The following TNIK variants were observed in gnomAD, a reference collection of about 807,000 sequenced individuals.
TNIK encodes TRAF2 and NCK interacting kinase, also known as TRAF2 and NCK-interacting protein kinase.
TNIK carries 49 observed loss-of-function variants against 191.3 expected under a neutral mutation model. The observed-to-expected ratio is 0.26, with a 90% CI of 0.20 to 0.32. The LOEUF (loss-of-function observed/expected upper bound fraction) is 0.32. Ranked by LOEUF, TNIK falls within the 10% of genes least tolerant of loss-of-function variation. TNIK has a pLI of 1.00. For missense variants in TNIK, 1,155 were observed against 1,702.3 expected, an observed-to-expected ratio of 0.68 and a Z score of 5.66; for synonymous variants, 594 against 600.9, an observed-to-expected ratio of 0.99 and a Z score of 0.17.
At chr3:171,079,721 A>G (rs1720427202) in intron 27 of TNIK, 69 bp from the exon 28 acceptor site, 1 of 1,485,060 alleles carries the variant, frequency 6.7e-7, no homozygotes, top group Non-Finnish European at 9.0e-7. Flanking sequence ...CCCCACCTCC[A>G]TTTATTTCTA....
chr3:171,113,479 G>A lies in TNIK; in HGVS notation c.2121-2602C>T, dbSNP rs145387135. Among the ~76,000 whole-genome samples, 218 of 152,078 alleles carry A rather than the reference G, an allele frequency of 1.4e-3. 2 individuals carry two copies. The South Asian group carries it at 0.022, about 15-fold the overall frequency. On this transcript the variant is annotated intron_variant, in intron 18 of 32. Transcript: ENST00000436636. ...AAATTAGCTGGGCGTGGTGGCAGGT[G>A]CCTGTATTCTCAGCTAGTTGAGAGG...
chr3:171,311,807 C>G (rs999849993), intron 2 of TNIK, among the ~76,000 whole-genome samples: 2 of 151,950 alleles, frequency 1.3e-5, no homozygotes, highest in Non-Finnish European at 2.9e-5. Context: ...AGAACAAAAC[C>G]CATCATTAAT....
At position 171,128,719 on chromosome 3, in the gene TNIK, G is replaced by C. The variant is rs373476554; in HGVS notation, c.1768C>G (p.Pro590Ala). 4.3e-6 allele frequency: 7 copies of C among 1,611,496 alleles called. 1 individual carries two copies. The East Asian group carries it at 6.7e-5, about 15-fold the overall frequency. ...RTPPMLRPVD[P>A]QIPHLVAVKS... is the part of the protein sequence containing the mutation. ...GGAATGGAGGCAGACTGTACCTGGGGATCGACTGGTCTGAGCATGGGGGGT... is the reference window on the plus strand; with the variant it reads ...GGAATGGAGGCAGACTGTACCTGGGCATCGACTGGTCTGAGCATGGGGGGT... The change falls in exon 16 of 33, where the codon CCC (proline) becomes GCC (alanine). Residue 590 changes from proline (P) to alanine (A), a missense_variant. By Grantham distance (27) the Pro-to-Ala change is conservative. This residue lies in a region of TNIK where 735 missense variants were observed against 848.0 expected (regional missense o/e 0.87). Coordinates refer to ENST00000436636, the MANE Select transcript of TNIK (RefSeq NM_015028.4).
At chr3:171,280,780 A>G (rs1374662154) in intron 2 of TNIK, among the ~76,000 whole-genome samples, 1 of 152,204 alleles carries the variant, frequency 6.6e-6, no homozygotes, top group African/African-American at 2.4e-5. Context: ...TTAATATCAG[A>G]TCTATAAGCT....
chr3:171,341,861 T>C (rs955728152), intron 2 of TNIK, among the ~76,000 whole-genome samples: 14 of 152,182 alleles, frequency 9.2e-5, no homozygotes, highest in African/African-American at 3.4e-4. Context: ...AGAGATCTCC[T>C]GAAGTTGGCA....
intron 1 of TNIK, among the ~76,000 whole-genome samples, chr3:171,406,895 AT>A (rs1721768930): frequency 6.6e-6 from 1 of 152,232 alleles, no homozygotes; most frequent in Admixed American, 6.5e-5. Flanking sequence ...TAACACAGCG[AT>A]TTGCTGACAA....
intron 3 of TNIK, among the ~76,000 whole-genome samples, chr3:171,213,052 C>G (rs1741030712): frequency 6.6e-6 from 1 of 151,998 alleles, no homozygotes; most frequent in Admixed American, 6.6e-5. Context: ...AGGGGCGAGA[C>G]AGGGGAAGGC....
At chr3:171,241,250 A>G (rs1366524851) in intron 2 of TNIK, among the ~76,000 whole-genome samples, 1 of 151,974 alleles carries the variant, frequency 6.6e-6, no homozygotes, top group Non-Finnish European at 1.5e-5. Flanking sequence ...GGCTGGTCTC[A>G]AACTCCCGAC....
At chr3:171,169,508 T>C (rs1296240276) in intron 9 of TNIK, among the ~76,000 whole-genome samples, 1 of 152,198 alleles carries the variant, frequency 6.6e-6, no homozygotes, top group East Asian at 1.9e-4. Flanking sequence ...CCTCAGATGA[T>C]TCGCCTACCT....
At chr3:171,098,323 T>G (rs1723006655) in intron 22 of TNIK, among the ~76,000 whole-genome samples, 1 of 152,186 alleles carries the variant, frequency 6.6e-6, no homozygotes, top group Non-Finnish European at 1.5e-5. Context: ...TATAAAGTAG[T>G]ACATGCCCAT....
chr3:171,088,036 A>G (rs1013179592), intron 23 of TNIK, among the ~76,000 whole-genome samples: 5 of 152,206 alleles, frequency 3.3e-5, no homozygotes, highest in African/African-American at 1.2e-4. Context: ...ACAATGATTA[A>G]TCAGATCTGA....
At chr3:171,251,233 G>T (rs374456285) in intron 2 of TNIK, among the ~76,000 whole-genome samples, 1 of 152,134 alleles carries the variant, frequency 6.6e-6, no homozygotes, top group Non-Finnish European at 1.5e-5. Flanking sequence ...AACAGAGACC[G>T]GGACACAGAT....
chr3:171,277,220 T>C (rs1253775373), intron 2 of TNIK, among the ~76,000 whole-genome samples: 2 of 152,140 alleles, frequency 1.3e-5, no homozygotes, highest in Non-Finnish European at 2.9e-5. Flanking sequence ...GACCTTGAGA[T>C]CTCAAACTTC....
rs60887361 is a variant in TNIK, at chr3:171,365,161, C to CTTTTTTTTTTTTTTT, written c.123+4444_123+4458dup. On this transcript the variant is annotated intron_variant, in intron 2 of 32. Coordinates refer to ENST00000436636, the MANE Select transcript of TNIK (RefSeq NM_015028.4). ...AAGGACTACACAAAAGGACTACATT[C>CTTTTTTTTTTTTTTT]TTTTTTTTTTTTTTTTTTTTTTTTT... Among the ~76,000 whole-genome samples, 79 of 31,934 alleles carry CTTTTTTTTTTTTTTT rather than the reference C, an allele frequency of 2.5e-3. 18 individuals are homozygous for CTTTTTTTTTTTTTTT. The highest frequency in any genetic ancestry group is 3.8e-3 in the Non-Finnish European group (58 of 15,444). The allele number at this position is 31,934 out of a possible 152,430, so 20.9% of individuals were successfully genotyped here.
intron 1 of TNIK, among the ~76,000 whole-genome samples, chr3:171,423,077 T>C (rs1724040813): frequency 6.6e-6 from 1 of 152,170 alleles, no homozygotes; most frequent in Non-Finnish European, 1.5e-5. Flanking sequence ...ATTTATTGCA[T>C]AGCTATATAA....
intron 4 of TNIK, among the ~76,000 whole-genome samples, chr3:171,200,471 T>G (rs1373105083): frequency 2.6e-5 from 4 of 152,256 alleles, no homozygotes; most frequent in Non-Finnish European, 5.9e-5. Flanking sequence ...TTTGCATGGT[T>G]GATTGTCAGC....
intron 17 of TNIK, among the ~76,000 whole-genome samples, chr3:171,125,107 C>T (rs1728291863): frequency 6.6e-6 from 1 of 152,170 alleles, no homozygotes; most frequent in Non-Finnish European, 1.5e-5. Context: ...TTAACAGTGG[C>T]ATTTTCTGCA....
chr3:171,427,585 A>T (rs1393018445), intron 1 of TNIK, among the ~76,000 whole-genome samples: 1 of 152,230 alleles, frequency 6.6e-6, no homozygotes, highest in Non-Finnish European at 1.5e-5. Context: ...GGTGCATAAC[A>T]AAAGTGCTAT....
chr3:171,439,554 G>A (rs1238670899), intron 1 of TNIK: 1 of 152,198 alleles, frequency 6.6e-6, no homozygotes, highest in East Asian at 1.9e-4. Context: ...TGGTCACAAA[G>A]TATATTAGCT....
Sources: gnomAD v4.1 joint callset for allele counts (sites outside exome capture counted in the v4.1 genomes callset) on GRCh38, gnomAD v4.1.1 for gene constraint, gnomAD v4.1.1 regional missense constraint, MANE v1.5 for transcripts, NCBI Gene and HGNC (gene_info 2026-07-23, HGNC 2026-07-21) for gene names.